WDR59: variants seen among roughly 807,000 people sequenced by gnomAD.
WDR59 encodes the protein WD repeat domain 59, also known as GATOR2 complex protein WDR59.
Under a neutral mutation model 131.2 loss-of-function variants are expected in WDR59, and 100 were observed. The ratio of observed to expected loss-of-function variants is 0.76; its 90% CI spans 0.65 to 0.90. The LOEUF is 0.90. Ranked by LOEUF, WDR59 falls within the 40% of genes least tolerant of loss-of-function variation. The pLI is 0.00. For synonymous variants in WDR59, 601 were observed against 466.2 expected, an observed-to-expected ratio of 1.29 and a Z score of -3.72; for missense variants, 1,203 against 1,262.2, an observed-to-expected ratio of 0.95 and a Z score of 0.71.
At chr16:74,968,412 G>A (rs1472790568) in intron 1 of WDR59, among the ~76,000 whole-genome samples, 1 of 152,098 alleles carries the variant, frequency 6.6e-6, no homozygotes, top group Non-Finnish European at 1.5e-5. Flanking sequence ...GCTAATAAAT[G>A]GATGTTGTTG....
intron 4 of WDR59, among the ~76,000 whole-genome samples, chr16:74,950,538 T>C (rs1313915584): frequency 6.6e-6 from 1 of 152,194 alleles, no homozygotes; most frequent in African/African-American, 2.4e-5. Flanking sequence ...CCCCTACCCA[T>C]GTTCTCCTTC....
At chr16:74,902,474 C>G (rs1314166490) in intron 18 of WDR59, among the ~76,000 whole-genome samples, 1 of 152,144 alleles carries the variant, frequency 6.6e-6, no homozygotes, top group Non-Finnish European at 1.5e-5. Context: ...TGGACACAGG[C>G]TTAAAAGAGG....
intron 17 of WDR59, among the ~76,000 whole-genome samples, chr16:74,906,858 G>A (rs1965844491): frequency 6.6e-6 from 1 of 152,184 alleles, no homozygotes; most frequent in Non-Finnish European, 1.5e-5. Context: ...AAAAGGGACT[G>A]GGAACCTTTG....
intron 25 of WDR59, among the ~76,000 whole-genome samples, chr16:74,882,387 A>G (rs1374522904): frequency 6.6e-6 from 1 of 152,206 alleles, no homozygotes; most frequent in Admixed American, 6.5e-5. Flanking sequence ...CCCTATTAAA[A>G]TAATCCTTGA....
At chr16:74,888,023 C>A in intron 22 of WDR59, 146 bp downstream of exon 22, 1 of 1,072,234 alleles carries the variant, frequency 9.3e-7, no homozygotes, top group Non-Finnish European at 1.3e-6. Context: ...GAGGCTGAGG[C>A]ACGAGAATTG....
chr16:74,971,777 G>A (rs1488089430), intron 1 of WDR59, among the ~76,000 whole-genome samples: 1 of 152,136 alleles, frequency 6.6e-6, no homozygotes, highest in African/African-American at 2.4e-5. Context: ...GAGTGCAGTG[G>A]TACTCACTGT....
chr16:74,907,656 C>T (rs1965881777), intron 17 of WDR59, among the ~76,000 whole-genome samples: 1 of 152,198 alleles, frequency 6.6e-6, no homozygotes. Flanking sequence ...TATCCAGCGC[C>T]TTCAGGGGTT....
chr16:74,893,867 C>G (rs1334469293), intron 18 of WDR59, 55 bp from the exon 19 acceptor site: 1 of 1,597,142 alleles, frequency 6.3e-7, no homozygotes, highest in Non-Finnish European at 8.6e-7. Context: ...TGGAAACCAA[C>G]AATTGCAGAG....
At chr16:74,915,634 T>G (rs1966331885) in intron 13 of WDR59, 2 of 386,646 alleles carry the variant, frequency 5.2e-6, no homozygotes, top group Admixed American at 7.7e-5. Context: ...CAGGCTGGTC[T>G]CAAACTCCTG....
chr16:74,972,899 G>C (rs984003241), intron 1 of WDR59, among the ~76,000 whole-genome samples: 1 of 148,732 alleles, frequency 6.7e-6, no homozygotes, highest in Non-Finnish European at 1.5e-5. Flanking sequence ...ATTATTAAAA[G>C]GGTCCGACCA....
chr16:74,886,115 T>C (rs1284225517), intron 24 of WDR59, 155 bp downstream of exon 24: 6 of 951,320 alleles, frequency 6.3e-6, no homozygotes, highest in East Asian at 2.7e-5. Flanking sequence ...GAAGCAGAGG[T>C]TGCAGAGAGC....
At chr16:74,881,872 C>CA (rs1231563634) in intron 25 of WDR59, among the ~76,000 whole-genome samples, 1,847 of 47,662 alleles carry the variant, frequency 0.039, 34 homozygotes, top group African/African-American at 0.11. Flanking sequence ...GACTCCGTCT[C>CA]AAAAAAAAAA....
chr16:74,910,814 C>A (rs1166273792), intron 14 of WDR59, among the ~76,000 whole-genome samples: 1 of 152,058 alleles, frequency 6.6e-6, no homozygotes, highest in African/African-American at 2.4e-5. Flanking sequence ...CTCTTACTGC[C>A]CAGGCTGGAG....
intron 17 of WDR59, among the ~76,000 whole-genome samples, chr16:74,905,028 G>T (rs1256046671): frequency 6.6e-6 from 1 of 152,164 alleles, no homozygotes; most frequent in Non-Finnish European, 1.5e-5. Flanking sequence ...CTCAAATAAG[G>T]AATTTAAATC....
rs150363731 is a variant in WDR59 at position 74,906,864 on chromosome 16, C to G, written c.1712+2044G>C. ...AGGGCGGGGAAAAGGGACTGGGAAC[C>G]TTTGTGGGTGAGGACAGTGTTCTAT... On this transcript the variant is annotated intron_variant, in intron 17 of 25. Transcript: ENST00000262144. 2.4e-4 allele frequency among the ~76,000 whole-genome samples: 37 copies of G among 152,228 alleles called. No homozygotes were observed. In the East Asian group the frequency reaches 6.9e-3, roughly 29 times the overall value.
chr16:74,927,173 A>AT (rs2030898670), intron 8 of WDR59, among the ~76,000 whole-genome samples: 1 of 152,238 alleles, frequency 6.6e-6, no homozygotes, highest in Non-Finnish European at 1.5e-5. Context: ...CCAAAAAAAA[A>AT]TTAATGATTT....
intron 25 of WDR59, among the ~76,000 whole-genome samples, chr16:74,876,300 A>G (rs763791410): frequency 6.6e-6 from 1 of 152,176 alleles, no homozygotes; most frequent in Non-Finnish European, 1.5e-5. Context: ...TCTAAGCATA[A>G]TTTTTTATAT....
intron 25 of WDR59, among the ~76,000 whole-genome samples, chr16:74,876,421 T>C (rs1336532828): frequency 1.3e-5 from 2 of 152,202 alleles, no homozygotes; most frequent in Admixed American, 1.3e-4. Context: ...ATATTGTGTG[T>C]TCAGGTAAAT....
At chr16:74,938,552 T>C (rs1656351494) in intron 7 of WDR59, among the ~76,000 whole-genome samples, 1 of 152,158 alleles carries the variant, frequency 6.6e-6, no homozygotes, top group African/African-American at 2.4e-5. Context: ...TTTTTTGTTT[T>C]TTGAGACGAA....
Sources: allele counts gnomAD v4.1 joint callset (sites outside exome capture counted in the v4.1 genomes callset), GRCh38; gene constraint gnomAD v4.1.1; transcripts MANE v1.5; gene names NCBI Gene and HGNC (gene_info 2026-07-23, HGNC 2026-07-21).